The following SUFU variants were observed in gnomAD, a reference collection of about 807,000 sequenced individuals.
SUFU encodes SUFU negative regulator of hedgehog signaling, also known as suppressor of fused homolog.
In SUFU, 7 loss-of-function variants were observed where a neutral mutation model predicts 58.9. The ratio of observed to expected loss-of-function variants is 0.12; its 90% CI spans 0.07 to 0.22. The LOEUF (loss-of-function observed/expected upper bound fraction) is 0.22, where lower values mean the gene tolerates loss of function less well. Ranked by LOEUF, SUFU falls within the 10% of genes least tolerant of loss-of-function variation. The pLI, the probability that SUFU is intolerant of heterozygous loss-of-function variation, is 1.00. For missense variants in SUFU, 451 were observed against 641.3 expected, an observed-to-expected ratio of 0.70 and a Z score of 3.20; for synonymous variants, 232 against 254.8, an observed-to-expected ratio of 0.91 and a Z score of 0.85.
intron 3 of SUFU, among the ~76,000 whole-genome samples, chr10:102,552,347 C>T (rs1399931397): frequency 6.6e-6 from 1 of 151,830 alleles, no homozygotes; most frequent in Non-Finnish European, 1.5e-5. Flanking sequence ...GTAGGAGGAC[C>T]ATTTGAGCCC....
chr10:102,573,004 G>C (rs2063177936), intron 3 of SUFU: 1 of 1,271,942 alleles, frequency 7.9e-7, no homozygotes, highest in Non-Finnish European at 1.1e-6. Flanking sequence ...CTTGATGATA[G>C]CATAGTGGTC....
intron 8 of SUFU, among the ~76,000 whole-genome samples, chr10:102,603,443 G>A (rs1208782334): frequency 6.6e-6 from 1 of 152,170 alleles, no homozygotes. Context: ...GAAGCTCTCT[G>A]AGTTGTGTGC....
intron 2 of SUFU, among the ~76,000 whole-genome samples, chr10:102,515,816 G>A (rs1348256327): frequency 6.6e-6 from 1 of 152,142 alleles, no homozygotes; most frequent in Non-Finnish European, 1.5e-5. Context: ...TGTTCTGCAG[G>A]CTCATTGGGG....
chr10:102,564,947 G>A (rs1284239061), intron 3 of SUFU, among the ~76,000 whole-genome samples: 3 of 152,150 alleles, frequency 2.0e-5, no homozygotes, highest in African/African-American at 4.8e-5. Context: ...AGAAAAACAG[G>A]TCAGTCCCTC....
intron 3 of SUFU, among the ~76,000 whole-genome samples, chr10:102,553,812 G>A (rs1030138933): frequency 5.3e-5 from 8 of 152,278 alleles, no homozygotes; most frequent in African/African-American, 1.9e-4. Flanking sequence ...GGCAGCTCTT[G>A]GCCAGACACG....
Position 102,619,900 on chromosome 10 carries a change from C to T in SUFU, c.1296+2472C>T, listed in dbSNP as rs1369156172. ...TTAGACTTGCAGTCGCCAGTGAGGGCCACTCCACTGGGCCAAGGAGAGCCA... is the reference window on the plus strand; with the variant it reads ...TTAGACTTGCAGTCGCCAGTGAGGGTCACTCCACTGGGCCAAGGAGAGCCA... On this transcript the variant is annotated intron_variant, in intron 10 of 11. Transcript: ENST00000369902. This position sits in a 1 kb window ranked among gnomAD's most constrained non-coding sequence, Gnocchi z 4.2. 6.6e-6 allele frequency among the ~76,000 whole-genome samples: 1 copy of T among 152,160 alleles called. No individual in the cohort carries two copies. The highest frequency in any genetic ancestry group is 1.9e-4 in the East Asian group (1 of 5,192).
chr10:102,566,607 T>C (rs900204831), intron 3 of SUFU, among the ~76,000 whole-genome samples: 2 of 151,756 alleles, frequency 1.3e-5, no homozygotes, highest in East Asian at 1.9e-4. Flanking sequence ...TACTAAAAAA[T>C]ACAAAAAATA....
chr10:102,556,270 G>A (rs1302713103), intron 3 of SUFU, among the ~76,000 whole-genome samples: 1 of 152,186 alleles, frequency 6.6e-6, no homozygotes, highest in African/African-American at 2.4e-5. Flanking sequence ...TAACAGCCCT[G>A]ACCTGCTGGC....
chr10:102,593,498 T>C (rs776016099), intron 4 of SUFU, 138 bp from the exon 5 acceptor site: 1 of 876,770 alleles, frequency 1.1e-6, no homozygotes, highest in Non-Finnish European at 1.9e-6. Context: ...TCATCCAATC[T>C]TGGCTGCACC....
chr10:102,568,457 T>G (rs899197619), intron 3 of SUFU, among the ~76,000 whole-genome samples: 1 of 152,250 alleles, frequency 6.6e-6, no homozygotes, highest in Non-Finnish European at 1.5e-5. Context: ...ACAGCCATTT[T>G]TATTTGGTTA....
At chr10:102,578,200 C>T (rs1297792892) in intron 3 of SUFU, among the ~76,000 whole-genome samples, 6 of 149,162 alleles carry the variant, frequency 4.0e-5, no homozygotes, top group Non-Finnish European at 7.4e-5. Context: ...CCCAGCTACT[C>T]GGGATCGCGC....
chr10:102,573,096 G>A (rs1388215669), intron 3 of SUFU: 1 of 776,690 alleles, frequency 1.3e-6, no homozygotes, highest in Non-Finnish European at 2.3e-6. Context: ...TGGAAGGTAG[G>A]TGACGTGCGG....
chr10:102,626,798 A>G (rs2063790448), intron 10 of SUFU, among the ~76,000 whole-genome samples: 1 of 152,122 alleles, frequency 6.6e-6, no homozygotes. Context: ...ACTGGGCAGC[A>G]GCTTTAATTT....
rs550676217 is a variant in SUFU, at chr10:102,624,413, T to A, written c.1297-2762T>A. Among the ~76,000 whole-genome samples, 5 of 152,256 alleles carry A rather than the reference T, an allele frequency of 3.3e-5. No individual in the cohort carries two copies. The East Asian group carries it at 5.8e-4, about 18-fold the overall frequency. On this transcript the variant is annotated intron_variant, in intron 10 of 11. Transcript: ENST00000369902. ...TCAATCCAACCTTCTAAGGTTTAACTCCCAAAGGAAATTAAATTAGGTGCC... is the reference window on the plus strand; with the variant it reads ...TCAATCCAACCTTCTAAGGTTTAACACCCAAAGGAAATTAAATTAGGTGCC...
At chr10:102,608,253 G>T (rs1020178059) in intron 8 of SUFU, among the ~76,000 whole-genome samples, 1 of 152,002 alleles carries the variant, frequency 6.6e-6, no homozygotes, top group African/African-American at 2.4e-5. Context: ...TAAGGAAAAT[G>T]CGAAAGAATC....
chr10:102,570,231 ATATT>A (rs10524429), intron 3 of SUFU, among the ~76,000 whole-genome samples: 147,692 of 148,462 alleles, frequency 0.99, 73,476 homozygotes, highest in Non-Finnish European at 1. Context: ...AACCGAGAGA[ATATT>A]TATTTATTTA....
chr10:102,526,571 A>T (rs780011587), intron 2 of SUFU, among the ~76,000 whole-genome samples: 62 of 152,252 alleles, frequency 4.1e-4, no homozygotes, highest in Non-Finnish European at 7.2e-4. Context: ...AAATAAAATT[A>T]AAAAAGCAGG....
rs1437282528 is a variant in SUFU, at chr10:102,509,238, C to A, written c.252C>A (p.Ile84=). The A allele has an allele frequency of 1.2e-6, 2 of 1,614,196 alleles. No homozygotes were observed. The highest frequency in any genetic ancestry group is 3.3e-5 in the Admixed American group (2 of 60,016). Residue 84 remains isoleucine, a synonymous_variant, in exon 2 of 12, where the codon ATC becomes ATA. Transcript: ENST00000369902. ...ATGTGGGGAGCCCTTCTGCTAACATCCCCGAGCACTGGCACTACATCAGCT... is the reference window on the plus strand; with the variant it reads ...ATGTGGGGAGCCCTTCTGCTAACATACCCGAGCACTGGCACTACATCAGCT... The part of the protein sequence containing the change: ...YRNVGSPSAN[I]PEHWHYISFG...
intron 8 of SUFU, among the ~76,000 whole-genome samples, chr10:102,614,001 G>C (rs7912339): frequency 0.45 from 69,015 of 152,164 alleles, 16,061 homozygotes; most frequent in East Asian, 0.68. Context: ...GGTCTGACTC[G>C]TAAGAGCCCA....
Sources: gnomAD v4.1 joint callset for allele counts (sites outside exome capture counted in the v4.1 genomes callset) on GRCh38, gnomAD v4.1.1 for gene constraint, Gnocchi (gnomAD v3.1) non-coding constraint, MANE v1.5 for transcripts, NCBI Gene and HGNC (gene_info 2026-07-23, HGNC 2026-07-21) for gene names.